Variants in NAV3 observed in about 807,000 individuals in gnomAD.
NAV3 encodes the protein pore membrane and/or filament interacting like protein 1.
In NAV3, 87 loss-of-function variants were observed where a neutral mutation model predicts 244.7. That is an observed-to-expected ratio of 0.36 (90% CI 0.30 to 0.42). NAV3 has a LOEUF of 0.42. Among genes scored for constraint, NAV3 ranks in the 20% least tolerant of loss-of-function variants. The probability of loss-of-function intolerance (pLI) is 1.00; values close to 1 mark genes in which losing one functional copy is unlikely to be tolerated. For missense variants in NAV3, 2,663 were observed against 2,893.3 expected, an observed-to-expected ratio of 0.92 and a Z score of 1.83; for synonymous variants, 1,126 against 1,042.2, an observed-to-expected ratio of 1.08 and a Z score of -1.55.
intron 34 of NAV3, among the ~76,000 whole-genome samples, chr12:78,197,021 G>A (rs150924109): frequency 6.6e-6 from 1 of 151,868 alleles, no homozygotes; most frequent in Admixed American, 6.6e-5. Flanking sequence ...GTTTGGTACT[G>A]GATCTTCTAT....
At chr12:78,168,647 C>T (rs1469265579) in intron 23 of NAV3, 108 bp from the exon 24 acceptor site, 1 of 631,098 alleles carries the variant, frequency 1.6e-6, no homozygotes, top group Non-Finnish European at 2.7e-6. Context: ...CCAAATCTTC[C>T]AGGAGGTTGT....
intron 2 of NAV3, among the ~76,000 whole-genome samples, chr12:77,803,979 TTTTC>T (rs1871843287): frequency 6.6e-6 from 1 of 152,130 alleles, no homozygotes; most frequent in Non-Finnish European, 1.5e-5. Context: ...GGAGTTGTTT[TTTTC>T]TTTCTTGTAA....
Position 77,590,881 on chromosome 12 carries a change from C to T in NAV3, c.72+18615C>T, listed in dbSNP as rs192012727. Among the ~76,000 whole-genome samples, 7 of 152,216 alleles carry T rather than the reference C, an allele frequency of 4.6e-5. No individual in the cohort carries two copies. The East Asian group carries it at 9.6e-4, about 21-fold the overall frequency. On this transcript the variant is annotated intron_variant, in intron 2 of 8. Transcript: ENST00000550042. The stretch of plus-strand genomic sequence containing the variant: ...GTAGTTCTTTTAGCTTCAGTTTATT[C>T]ATTTGAAAGATGGGAATAATAATAC...
At position 78,164,496 on chromosome 12, in the gene NAV3, C is replaced by T. The variant is rs142998407; in HGVS notation, c.4870-4259C>T. On this transcript the variant is annotated intron_variant, in intron 23 of 39. Coordinates refer to ENST00000397909, the MANE Select transcript of NAV3 (RefSeq NM_001024383.2). ...GTTGAATAGGATTTTTACATTAACT[C>T]TCCCTAATTTACGTTATGATATTTG... Among the ~76,000 whole-genome samples the T allele has an allele frequency of 9.6e-4, 146 of 152,144 alleles. 1 individual carries two copies. Among genetic ancestry groups the T allele is most frequent in the African/African-American group, 3.1e-3 (130 of 41,532 alleles).
At chr12:78,066,214 G>C (rs1004445588) in intron 12 of NAV3, among the ~76,000 whole-genome samples, 1 of 152,094 alleles carries the variant, frequency 6.6e-6, no homozygotes, top group Non-Finnish European at 1.5e-5. Flanking sequence ...CTTGATAAAG[G>C]CTTCTGAAAA....
At chr12:77,711,888 G>A (rs888930376) in intron 2 of NAV3, among the ~76,000 whole-genome samples, 2 of 152,142 alleles carry the variant, frequency 1.3e-5, no homozygotes, top group African/African-American at 4.8e-5. Context: ...TGTGTCTCCT[G>A]TATTTGGTTT....
intron 2 of NAV3, among the ~76,000 whole-genome samples, chr12:77,770,353 G>C (rs1870015081): frequency 6.6e-6 from 1 of 152,156 alleles, no homozygotes; most frequent in South Asian, 2.1e-4. Flanking sequence ...CTGAGTTAGA[G>C]ACCTCCCAGA....
upstream of NAV3, among the ~76,000 whole-genome samples, chr12:77,827,041 G>A (rs1213346144): frequency 2.6e-5 from 4 of 152,060 alleles, no homozygotes; most frequent in African/African-American, 9.7e-5. Flanking sequence ...GGCCAACATG[G>A]CGAAACCCTG....
chr12:77,913,607 G>A (rs573199386), intron 1 of NAV3, among the ~76,000 whole-genome samples: 1 of 152,124 alleles, frequency 6.6e-6, no homozygotes, highest in African/African-American at 2.4e-5. Flanking sequence ...TTGACCTAGA[G>A]AAGTTATGGT....
chr12:77,656,170 A>G (rs1454774990), intron 2 of NAV3, among the ~76,000 whole-genome samples: 2 of 148,772 alleles, frequency 1.3e-5, no homozygotes, highest in African/African-American at 5.1e-5. Context: ...GGCAAATTGG[A>G]TAAAGAGTCA....
At chr12:77,691,349 A>ATATATATATATG (rs1482175532) in intron 2 of NAV3, among the ~76,000 whole-genome samples, 2 of 136,464 alleles carry the variant, frequency 1.5e-5, no homozygotes. Context: ...ATATATATAT[A>ATATATATATATG]TATATACATA....
At chr12:78,027,800 A>G (rs1011358213) in intron 9 of NAV3, among the ~76,000 whole-genome samples, 6 of 152,114 alleles carry the variant, frequency 3.9e-5, no homozygotes, top group African/African-American at 1.4e-4. Context: ...CAAGACCTAT[A>G]CGCATTACTC....
intron 12 of NAV3, among the ~76,000 whole-genome samples, chr12:78,115,805 A>C (rs956290403): frequency 1.3e-5 from 2 of 152,190 alleles, no homozygotes; most frequent in Admixed American, 1.3e-4. Context: ...CACATACCTT[A>C]GGTGTATAGT....
intron 2 of NAV3, among the ~76,000 whole-genome samples, chr12:77,709,705 A>C (rs2137244085): frequency 6.6e-6 from 1 of 152,310 alleles, no homozygotes; most frequent in South Asian, 2.1e-4. Context: ...AGTCTGGCAA[A>C]CAGCTTTTGG....
At chr12:77,620,045 A>T (rs969432143) in intron 2 of NAV3, among the ~76,000 whole-genome samples, 1 of 152,220 alleles carries the variant, frequency 6.6e-6, no homozygotes, top group African/African-American at 2.4e-5. Flanking sequence ...AAAATTAAGG[A>T]GTCTTTTCAT....
At chr12:77,787,418 T>G (rs1592682650) in intron 2 of NAV3, among the ~76,000 whole-genome samples, 1 of 152,208 alleles carries the variant, frequency 6.6e-6, no homozygotes, top group Non-Finnish European at 1.5e-5. Flanking sequence ...AGAGGTTTAA[T>G]TGACTCTCAG....
At chr12:78,031,018 T>A (rs1294390464) in intron 9 of NAV3, among the ~76,000 whole-genome samples, 21 of 152,198 alleles carry the variant, frequency 1.4e-4, no homozygotes, top group Admixed American at 1.4e-3. Context: ...CTTTTATTGC[T>A]CATGGTTGCT....
chr12:77,756,399 G>T (rs1869181674), intron 2 of NAV3, among the ~76,000 whole-genome samples: 1 of 151,824 alleles, frequency 6.6e-6, no homozygotes, highest in South Asian at 2.1e-4. Context: ...TCAGTGAGAT[G>T]TATTTTTATT....
chr12:78,188,868 A>C (rs2139860333), intron 33 of NAV3, 91 bp downstream of exon 33: 2 of 1,234,302 alleles, frequency 1.6e-6, no homozygotes, highest in South Asian at 3.1e-5. Context: ...TTTCCCTTAA[A>C]ATTTTTCTAT....
Sources: gnomAD v4.1 joint callset for allele counts (sites outside exome capture counted in the v4.1 genomes callset) on GRCh38, gnomAD v4.1.1 for gene constraint, MANE v1.5 for transcripts, NCBI Gene and HGNC (gene_info 2026-07-23, HGNC 2026-07-21) for gene names.